PLPPR4: variants seen among roughly 807,000 people sequenced by gnomAD.
PLPPR4 encodes the protein phospholipid phosphatase related 4, also known as phospholipid phosphatase-related protein type 4.
A neutral mutation model predicts 56.6 loss-of-function variants in PLPPR4; 24 were observed. The observed-to-expected ratio is 0.42, with a 90% CI of 0.31 to 0.60. The LOEUF (loss-of-function observed/expected upper bound fraction) is 0.60, where lower values mean the gene tolerates loss of function less well. Among genes scored for constraint, PLPPR4 ranks in the 20% least tolerant of loss-of-function variants. PLPPR4 has a pLI of 0.13. For missense variants in PLPPR4, 654 were observed against 885.8 expected (o/e 0.74, Z 3.32); for synonymous variants, 326 against 328.1 (o/e 0.99, Z 0.07).
At chr1:99,271,913 T>C (rs972178196) in intron 1 of PLPPR4, among the ~76,000 whole-genome samples, 1 of 116,668 alleles carries the variant, frequency 8.6e-6, no homozygotes, top group Non-Finnish European at 1.7e-5. Context: ...TGTGTGTGTG[T>C]GTGTGTGTGT....
intron 1 of PLPPR4, among the ~76,000 whole-genome samples, chr1:99,283,640 T>C (rs1557776850): frequency 5.3e-5 from 8 of 152,146 alleles, no homozygotes; most frequent in Non-Finnish European, 1.5e-5. Flanking sequence ...TTCCCTCCGC[T>C]CTATTGCTGC....
chr1:99,285,778 A>C (rs1278879584), intron 1 of PLPPR4, among the ~76,000 whole-genome samples: 1 of 152,190 alleles, frequency 6.6e-6, no homozygotes, highest in Non-Finnish European at 1.5e-5. Flanking sequence ...TTTATCAAAA[A>C]CATTTCCTGT....
At chr1:99,283,071 T>C (rs1659371328) in intron 1 of PLPPR4, among the ~76,000 whole-genome samples, 1 of 151,414 alleles carries the variant, frequency 6.6e-6, no homozygotes, top group South Asian at 2.1e-4. Context: ...ACAGATATTT[T>C]GTTTTATCAT....
chr1:99,271,710 G>A (rs1032142262), intron 1 of PLPPR4, among the ~76,000 whole-genome samples: 2 of 152,090 alleles, frequency 1.3e-5, no homozygotes, highest in Admixed American at 6.6e-5. Context: ...CTCTGATGAA[G>A]ATTAATGAGG....
intron 3 of PLPPR4, among the ~76,000 whole-genome samples, chr1:99,298,354 T>C (rs1454279384): frequency 6.6e-6 from 1 of 152,140 alleles, no homozygotes; most frequent in African/African-American, 2.4e-5. Context: ...GCATGGAGTT[T>C]GCATGTACAA....
chr1:99,306,868 C>A lies in PLPPR4; in HGVS notation c.2006C>A (p.Thr669Lys), dbSNP rs759132918. ...PVEGSEIGSE[T>K]LSISSSRDST... is the part of the protein sequence containing the mutation. ...GAGGGCAGCGAAATTGGCTCAGAGA[C>A]GCTGTCCATTTCTTCTTCCCGCGAC... The change falls in exon 7 of 7, where the codon ACG becomes AAG. Residue 669 changes from threonine (T) to lysine (K), a missense_variant. Around this residue, in one of 2 missense-constraint regions of PLPPR4, gnomAD observed 468 missense variants for 554.3 expected, o/e 0.84. Coordinates refer to ENST00000370185, the MANE Select transcript of PLPPR4 (RefSeq NM_014839.5). The surrounding 1 kb of genome is among the most constrained non-coding windows in gnomAD (Gnocchi z 4.0). 1 of 1,614,124 alleles carries A rather than the reference C, an allele frequency of 6.2e-7. No homozygotes were observed. The highest frequency in any genetic ancestry group is 8.5e-7 in the Non-Finnish European group (1 of 1,180,014).
Position 99,306,584 on chromosome 1 carries a change from G to A in PLPPR4, c.1722G>A (p.Arg574=). Residue 574 remains arginine (R), a synonymous_variant, in exon 7 of 7, where the codon AGG becomes AGA. Transcript: ENST00000370185. This position sits in a 1 kb window ranked among gnomAD's most constrained non-coding sequence, Gnocchi z 4.0. ...LTDHEPSGIV[R]VEAHPENNRP... The stretch of plus-strand genomic sequence containing the variant: ...ACCATGAGCCCAGTGGGATAGTGAG[G>A]GTTGAGGCTCACCCAGAGAACAACA... 6.2e-7 allele frequency: 1 copy of A among 1,614,092 alleles called. No individual in the cohort carries two copies. The highest frequency in any genetic ancestry group is 1.3e-5 in the African/African-American group (1 of 75,018).
At chr1:99,275,101 G>A (rs1659152305) in intron 1 of PLPPR4, among the ~76,000 whole-genome samples, 1 of 152,040 alleles carries the variant, frequency 6.6e-6, no homozygotes, top group Non-Finnish European at 1.5e-5. Flanking sequence ...CTGTATTGTA[G>A]CAACTGAGAT....
At chr1:99,267,687 A>C (rs945727632) in intron 1 of PLPPR4, among the ~76,000 whole-genome samples, 71 of 152,284 alleles carry the variant, frequency 4.7e-4, no homozygotes, top group African/African-American at 1.7e-3. Flanking sequence ...GTTTGGACTT[A>C]AGGGATCAAG....
At chr1:99,271,367 A>G (rs1182376326) in intron 1 of PLPPR4, among the ~76,000 whole-genome samples, 1 of 152,188 alleles carries the variant, frequency 6.6e-6, no homozygotes, top group East Asian at 1.9e-4. Flanking sequence ...GAGCTTGTCC[A>G]TCTTGCTCTT....
In PLPPR4 at chr1:99,300,896, C is replaced by A; in HGVS notation, c.591-13C>A. On this transcript the variant is annotated splice_polypyrimidine_tract_variant and intron_variant, in intron 4 of 6. Transcript: ENST00000370185. ...GAACTACAAGGCATAATTTGACTAT[C>A]TTCTTTTGGCAGAAAGTCCTTCCCT... 1 of 1,609,534 alleles carries A rather than the reference C, an allele frequency of 6.2e-7. No individual in the cohort carries two copies. The highest frequency in any genetic ancestry group is 2.2e-5 in the East Asian group (1 of 44,804).
intron 1 of PLPPR4, among the ~76,000 whole-genome samples, chr1:99,272,784 C>T (rs1432894657): frequency 1.3e-5 from 2 of 152,080 alleles, no homozygotes; most frequent in African/African-American, 4.8e-5. Context: ...TATGGAATAG[C>T]TTTGAATTTT....
intron 4 of PLPPR4, among the ~76,000 whole-genome samples, chr1:99,300,222 T>C (rs982586760): frequency 2.6e-5 from 4 of 152,094 alleles, no homozygotes; most frequent in African/African-American, 9.6e-5. Context: ...AATTTTATTT[T>C]TTCTAATTTT....
At chr1:99,268,830 C>T (rs759128049) in intron 1 of PLPPR4, among the ~76,000 whole-genome samples, 3 of 152,092 alleles carry the variant, frequency 2.0e-5, no homozygotes, top group Non-Finnish European at 4.4e-5. Flanking sequence ...TTATCATGCC[C>T]TTAAAGTTCC....
At chr1:99,280,108 C>T (rs185254156) in intron 1 of PLPPR4, among the ~76,000 whole-genome samples, 17 of 152,238 alleles carry the variant, frequency 1.1e-4, no homozygotes, top group Admixed American at 2.0e-4. Context: ...ACCCCCTCTC[C>T]CCACATGGGC....
chr1:99,300,897 T>G lies in PLPPR4; in HGVS notation c.591-12T>G, dbSNP rs917831527. Reference sequence around the variant, plus strand: ...AACTACAAGGCATAATTTGACTATCTTCTTTTGGCAGAAAGTCCTTCCCTT... The same window carrying G: ...AACTACAAGGCATAATTTGACTATCGTCTTTTGGCAGAAAGTCCTTCCCTT... On this transcript the variant is annotated splice_polypyrimidine_tract_variant and intron_variant, in intron 4 of 6. Coordinates refer to ENST00000370185, the MANE Select transcript of PLPPR4 (RefSeq NM_014839.5). 17 of 1,610,142 alleles carry G rather than the reference T, an allele frequency of 1.1e-5. No individual in the cohort carries two copies. The East Asian group carries it at 3.8e-4, about 36-fold the overall frequency.
At chr1:99,296,543 T>A (rs778251614) in intron 2 of PLPPR4, among the ~76,000 whole-genome samples, 195 bp from the exon 3 acceptor site, 20 of 152,120 alleles carry the variant, frequency 1.3e-4, no homozygotes, top group South Asian at 4.1e-4. Context: ...CTCATTAGAG[T>A]GGCCTGATTA....
chr1:99,292,435 C>T (rs1262387637), intron 2 of PLPPR4, among the ~76,000 whole-genome samples: 3 of 152,176 alleles, frequency 2.0e-5, no homozygotes, highest in African/African-American at 4.8e-5. Context: ...AGGGAAAATA[C>T]ACCATGGCTC....
At chr1:99,278,679 T>C (rs1439326386) in intron 1 of PLPPR4, among the ~76,000 whole-genome samples, 5 of 152,106 alleles carry the variant, frequency 3.3e-5, no homozygotes, top group Admixed American at 2.6e-4. Context: ...GTCTGGTGAG[T>C]GCAAAACCAA....
Sources: gnomAD v4.1 joint callset for allele counts (sites outside exome capture counted in the v4.1 genomes callset) on GRCh38, gnomAD v4.1.1 for gene constraint, gnomAD v4.1.1 regional missense constraint, Gnocchi (gnomAD v3.1) non-coding constraint, MANE v1.5 for transcripts, NCBI Gene and HGNC (gene_info 2026-07-23, HGNC 2026-07-21) for gene names.